MTM1: variants seen among roughly 807,000 people sequenced by gnomAD.
The protein encoded by MTM1 is myotubularin 1.
In MTM1, 9 loss-of-function variants were observed where a neutral mutation model predicts 52.1. The observed-to-expected ratio is 0.17, with a 90% CI of 0.10 to 0.30. MTM1 has a LOEUF of 0.30. Ranked by LOEUF, MTM1 falls within the 10% of genes least tolerant of loss-of-function variation. The pLI, the probability that MTM1 is intolerant of heterozygous loss-of-function variation, is 1.00. For synonymous variants in MTM1, 136 were observed against 163.8 expected, an observed-to-expected ratio of 0.83 and a Z score of 1.29; for missense variants, 277 against 470.7, an observed-to-expected ratio of 0.59 and a Z score of 3.81.
intron 4 of MTM1, among the ~76,000 whole-genome samples, chrX:150,601,195 CCTGT>C (rs1473687268): frequency 9.0e-6 from 1 of 111,425 alleles, no homozygotes; most frequent in African/African-American, 3.3e-5. Flanking sequence ...GAATAAAATG[CCTGT>C]CTGACACTGA....
intron 8 of MTM1, among the ~76,000 whole-genome samples, chrX:150,643,963 C>T (rs1380206734): frequency 9.0e-6 from 1 of 110,712 alleles, no homozygotes; most frequent in African/African-American, 3.3e-5. Flanking sequence ...AAGAATCCCC[C>T]CTCCTGCAAA....
chrX:150,626,730 A>G (rs1388162240), intron 6 of MTM1, among the ~76,000 whole-genome samples: 1 of 111,974 alleles, frequency 8.9e-6, no homozygotes, highest in Admixed American at 9.5e-5. Flanking sequence ...GAATTAATAG[A>G]TAAAAAGAAA....
At chrX:150,568,798 G>T (rs2038306779) in intron 1 of MTM1, 136 bp downstream of exon 1, 1 of 113,393 alleles carries the variant, frequency 8.8e-6, no homozygotes, top group African/African-American at 3.2e-5. Context: ...TCAGGGTTGG[G>T]TGGGGGTTTC....
intron 4 of MTM1, among the ~76,000 whole-genome samples, chrX:150,603,084 T>G (rs1256188980): frequency 8.9e-6 from 1 of 112,029 alleles, no homozygotes; most frequent in Non-Finnish European, 1.9e-5. Context: ...AACCAACTCT[T>G]GAAGAATGGT....
intron 3 of MTM1, among the ~76,000 whole-genome samples, chrX:150,597,343 A>G (rs1181103642): frequency 1.8e-5 from 2 of 112,304 alleles, no homozygotes; most frequent in Non-Finnish European, 3.8e-5. Context: ...GGAATTAGCC[A>G]TACACCATGA....
At chrX:150,586,683 G>A (rs1234860556) in intron 1 of MTM1, among the ~76,000 whole-genome samples, 1 of 111,255 alleles carries the variant, frequency 9.0e-6, no homozygotes, top group African/African-American at 3.3e-5. Flanking sequence ...GGAGGCCGAT[G>A]TGGGCGGATC....
At chrX:150,590,514 AT>A (rs1569565369) in intron 1 of MTM1, among the ~76,000 whole-genome samples, 1 of 111,388 alleles carries the variant, frequency 9.0e-6, no homozygotes, top group Non-Finnish European at 1.9e-5. Context: ...TCTAAAATTG[AT>A]TGTGGTGATG....
chrX:150,665,653 A>G (rs1457481690), intron 14 of MTM1, among the ~76,000 whole-genome samples: 1 of 112,292 alleles, frequency 8.9e-6, no homozygotes, highest in Non-Finnish European at 1.9e-5. Flanking sequence ...GAAAGATACA[A>G]AAGAATATAC....
intron 3 of MTM1, among the ~76,000 whole-genome samples, chrX:150,598,067 A>G (rs1369492633): frequency 2.7e-5 from 3 of 111,766 alleles, no homozygotes; most frequent in African/African-American, 9.8e-5. Flanking sequence ...AGCTTGGGCA[A>G]TAGAGCAAGA....
At chrX:150,640,506 G>T (rs2039830560) in intron 7 of MTM1, among the ~76,000 whole-genome samples, 1 of 111,701 alleles carries the variant, frequency 9.0e-6, no homozygotes, top group African/African-American at 3.3e-5. Flanking sequence ...TTTTGTGTGT[G>T]TATCTGTGCA....
upstream of MTM1, among the ~76,000 whole-genome samples, chrX:150,567,114 C>A (rs782813254): frequency 1.8e-5 from 2 of 110,541 alleles, no homozygotes; most frequent in South Asian, 7.8e-4. Flanking sequence ...TTGGCAAATC[C>A]AGGAGAGAGG....
At chrX:150,668,914 TC>T (rs1370275572) in intron 14 of MTM1, among the ~76,000 whole-genome samples, 1 of 108,648 alleles carries the variant, frequency 9.2e-6, no homozygotes, top group Non-Finnish European at 1.9e-5. Flanking sequence ...TTTTCTTTCT[TC>T]TAAAAAAAAG....
At chrX:150,652,022 A>G (rs2040029770) in intron 10 of MTM1, among the ~76,000 whole-genome samples, 1 of 110,979 alleles carries the variant, frequency 9.0e-6, no homozygotes, top group Non-Finnish European at 1.9e-5. Context: ...GGTAATGAAT[A>G]TCAACTGTTC....
At chrX:150,635,304 G>A (rs1364646024) in intron 6 of MTM1, among the ~76,000 whole-genome samples, 4 of 112,184 alleles carry the variant, frequency 3.6e-5, no homozygotes, top group Non-Finnish European at 7.5e-5. Context: ...AACAAGACGC[G>A]CTTGATGGTT....
At chrX:150,592,052 A>G (rs1031553117) in intron 1 of MTM1, among the ~76,000 whole-genome samples, 12 of 112,550 alleles carry the variant, frequency 1.1e-4, no homozygotes, top group African/African-American at 3.9e-4. Context: ...TAAATGAAGT[A>G]TATACTTTCC....
intron 4 of MTM1, among the ~76,000 whole-genome samples, chrX:150,607,456 C>A (rs2039189290): frequency 8.9e-6 from 1 of 111,933 alleles, no homozygotes; most frequent in African/African-American, 3.3e-5. Flanking sequence ...GGCTTCTGTT[C>A]CCTATTGAAA....
At chrX:150,577,062 T>G (rs2038484745) in intron 1 of MTM1, among the ~76,000 whole-genome samples, 1 of 112,676 alleles carries the variant, frequency 8.9e-6, no homozygotes, top group African/African-American at 3.2e-5. Context: ...AAGGATAGGC[T>G]TATGTGGTAT....
chrX:150,592,419 T>G (rs1557412504), intron 1 of MTM1, among the ~76,000 whole-genome samples, 186 bp from the exon 2 acceptor site: 1 of 111,268 alleles, frequency 9.0e-6, no homozygotes, highest in Non-Finnish European at 1.9e-5. Context: ...TTATTGGAGC[T>G]CTCACATACT....
intron 6 of MTM1, among the ~76,000 whole-genome samples, chrX:150,630,333 A>G (rs1350157621): frequency 1.8e-5 from 2 of 111,809 alleles, no homozygotes; most frequent in Non-Finnish European, 3.8e-5. Flanking sequence ...CTCAGAGGTG[A>G]TCTGCCCTCC....
Sources: gnomAD v4.1 joint callset for allele counts (sites outside exome capture counted in the v4.1 genomes callset) on GRCh38, gnomAD v4.1.1 for gene constraint, MANE v1.5 for transcripts, NCBI Gene and HGNC (gene_info 2026-07-23, HGNC 2026-07-21) for gene names.